TRIO: variants seen among roughly 807,000 people sequenced by gnomAD.
TRIO encodes triple functional domain protein.
In TRIO, 58 loss-of-function variants were observed where a neutral mutation model predicts 351.9. That is an observed-to-expected ratio of 0.16 (90% confidence interval 0.13 to 0.21). The LOEUF (loss-of-function observed/expected upper bound fraction) is 0.21. TRIO is among the 10% of genes least tolerant of loss of function. The pLI is 1.00. For synonymous variants in TRIO, 1,758 were observed against 1,595.7 expected (o/e 1.10, Z -2.42); for missense variants, 3,201 against 4,027.8 (o/e 0.79, Z 5.56).
chr5:14,335,794 A>G (rs778783930), intron 10 of TRIO, among the ~76,000 whole-genome samples: 33 of 151,848 alleles, frequency 2.2e-4, no homozygotes, highest in Non-Finnish European at 2.2e-4. Context: ...GCAAACCCCC[A>G]TCTCTCCTAA....
intron 17 of TRIO, 116 bp downstream of exon 17, chr5:14,369,015 G>C (rs1744843341): frequency 7.7e-7 from 1 of 1,300,988 alleles, no homozygotes. Context: ...TCAGTTGCCA[G>C]TCAAGCAGGG....
intron 1 of TRIO, among the ~76,000 whole-genome samples, chr5:14,214,934 G>A (rs1792128402): frequency 1.3e-5 from 2 of 152,174 alleles, no homozygotes; most frequent in African/African-American, 2.4e-5. Flanking sequence ...TAAAAAAATT[G>A]TGTTGAATGA....
chr5:14,310,398 G>A (rs1319214998), intron 8 of TRIO, among the ~76,000 whole-genome samples: 1 of 152,238 alleles, frequency 6.6e-6, no homozygotes, highest in Non-Finnish European at 1.5e-5. Flanking sequence ...TGGCCTGCTG[G>A]ATCTCATGTG....
chr5:14,436,058 C>A (rs530379289), intron 34 of TRIO, among the ~76,000 whole-genome samples: 1 of 152,140 alleles, frequency 6.6e-6, no homozygotes, highest in Non-Finnish European at 1.5e-5. Flanking sequence ...TTTCTGTTTC[C>A]CCTCCTCCAT....
chr5:14,265,462 C>G (rs1484872603), intron 1 of TRIO, among the ~76,000 whole-genome samples: 1 of 152,036 alleles, frequency 6.6e-6, no homozygotes, highest in Non-Finnish European at 1.5e-5. Context: ...AAATTTGATT[C>G]ATTTGATTCA....
Position 14,286,863 on chromosome 5 carries a change from C to G in TRIO, c.348-8C>G. 1 of 1,609,528 alleles carries G rather than the reference C, an allele frequency of 6.2e-7. No homozygotes were observed. The highest frequency in any genetic ancestry group is 8.5e-7 in the Non-Finnish European group (1 of 1,177,406). On this transcript the variant is annotated splice_polypyrimidine_tract_variant and splice_region_variant and intron_variant, in intron 3 of 56. Coordinates refer to ENST00000344204, the MANE Select transcript of TRIO (RefSeq NM_007118.4). This position sits in a 1 kb window ranked among gnomAD's most constrained non-coding sequence, Gnocchi z 4.4. ...ACCCGTCTTCAGCCATGTTTTCTTT[C>G]TCTGCAGCGAGGAGGTCTGCAAGCG... is the stretch of plus-strand genomic sequence containing the variant.
At chr5:14,160,124 G>A (rs559578143) in intron 1 of TRIO, among the ~76,000 whole-genome samples, 2 of 152,312 alleles carry the variant, frequency 1.3e-5, no homozygotes, top group Non-Finnish European at 2.9e-5. Context: ...GTCCCTGAAA[G>A]AAATGAGCCT....
chr5:14,501,905 G>C (rs934979226), intron 53 of TRIO, among the ~76,000 whole-genome samples: 2 of 152,220 alleles, frequency 1.3e-5, no homozygotes, highest in Non-Finnish European at 2.9e-5. Flanking sequence ...GCAGGACCAC[G>C]TGGGGCTCCC....
intron 21 of TRIO, among the ~76,000 whole-genome samples, chr5:14,381,587 A>G (rs1213924031): frequency 6.6e-6 from 1 of 152,054 alleles, no homozygotes; most frequent in East Asian, 1.9e-4. Flanking sequence ...ATGAAACACT[A>G]TTTGGTGTCC....
intron 1 of TRIO, among the ~76,000 whole-genome samples, chr5:14,184,395 C>T (rs1156829748): frequency 6.6e-6 from 1 of 152,228 alleles, no homozygotes; most frequent in Non-Finnish European, 1.5e-5. Flanking sequence ...TTCCCTTCTG[C>T]AACGTGCCCT....
intron 1 of TRIO, among the ~76,000 whole-genome samples, chr5:14,199,219 A>AAAAC (rs1554031816): frequency 6.8e-6 from 1 of 146,916 alleles, no homozygotes; most frequent in African/African-American, 2.5e-5. Context: ...AAAAAAAAAA[A>AAAAC]CCTCCCTAAA....
chr5:14,159,389 T>C lies in TRIO; in HGVS notation c.157+15507T>C, dbSNP rs1012232822. Among the ~76,000 whole-genome samples the C allele has an allele frequency of 1.2e-4, 18 of 152,024 alleles. No individual in the cohort carries two copies. The South Asian group carries it at 3.7e-3, about 32-fold the overall frequency. On this transcript the variant is annotated intron_variant, in intron 1 of 56. Coordinates refer to ENST00000344204, the MANE Select transcript of TRIO (RefSeq NM_007118.4). ...TTGTTTCAGTCCTGGTGGTGTCTTT[T>C]GAGATAGTGAAGAGCATAGCTGAAA...
chr5:14,203,259 C>T (rs1791244361), intron 1 of TRIO, among the ~76,000 whole-genome samples: 1 of 151,918 alleles, frequency 6.6e-6, no homozygotes. Context: ...AGAGAGATTC[C>T]AGAAGGCGTT....
At chr5:14,296,231 T>C (rs981936676) in intron 6 of TRIO, among the ~76,000 whole-genome samples, 4 of 152,036 alleles carry the variant, frequency 2.6e-5, no homozygotes, top group African/African-American at 9.7e-5. Flanking sequence ...GGGGGACCCA[T>C]GGGAAGGAGT....
At chr5:14,488,785 G>C in intron 48 of TRIO, 1 of 593,370 alleles carries the variant, frequency 1.7e-6, no homozygotes, top group East Asian at 2.8e-5. Flanking sequence ...ATGAAAAAAT[G>C]GGGGGAAAGA....
At chr5:14,171,574 C>T (rs752537827) in intron 1 of TRIO, among the ~76,000 whole-genome samples, 2 of 152,110 alleles carry the variant, frequency 1.3e-5, no homozygotes, top group Non-Finnish European at 2.9e-5. Context: ...GTCTTATCAC[C>T]GGTGGAGGTA....
intron 45 of TRIO, 48 bp downstream of exon 45, chr5:14,481,666 T>G (rs1755528086): frequency 1.3e-6 from 2 of 1,593,660 alleles, no homozygotes; most frequent in African/African-American, 2.7e-5. Flanking sequence ...CTTCATCTCT[T>G]TCTTTTGTCT....
At chr5:14,413,240 C>G (rs1749350466) in intron 33 of TRIO, among the ~76,000 whole-genome samples, 1 of 152,182 alleles carries the variant, frequency 6.6e-6, no homozygotes, top group Non-Finnish European at 1.5e-5. Flanking sequence ...AGTGCCTGGC[C>G]TGATGAATTG....
chr5:14,464,233 A>G (rs1481180672), intron 36 of TRIO, among the ~76,000 whole-genome samples: 1 of 152,220 alleles, frequency 6.6e-6, no homozygotes, highest in Non-Finnish European at 1.5e-5. Flanking sequence ...TTTGAAAAGC[A>G]GAAAACTGGC....
Sources: allele counts gnomAD v4.1 joint callset (sites outside exome capture counted in the v4.1 genomes callset), GRCh38; gene constraint gnomAD v4.1.1; non-coding constraint Gnocchi (gnomAD v3.1); transcripts MANE v1.5; gene names NCBI Gene and HGNC (gene_info 2026-07-23, HGNC 2026-07-21).